Variants in DPP6 observed in about 807,000 individuals in gnomAD.
DPP6 encodes the protein dipeptidyl peptidase like 6.
Under a neutral mutation model 122.6 loss-of-function variants are expected in DPP6, and 69 were observed. That is an observed-to-expected ratio of 0.56 (90% confidence interval 0.46 to 0.69). DPP6 has a LOEUF of 0.69. Ranked by LOEUF, DPP6 falls within the 30% of genes least tolerant of loss-of-function variation. The pLI, the probability that DPP6 is intolerant of heterozygous loss-of-function variation, is 0.00. For synonymous variants in DPP6, 418 were observed against 433.1 expected (o/e 0.97, Z 0.43); for missense variants, 928 against 1,116.9 (o/e 0.83, Z 2.41).
intron 1 of DPP6, among the ~76,000 whole-genome samples, chr7:154,127,634 G>GACACACACAC (rs1045351086): frequency 5.0e-5 from 3 of 59,724 alleles, no homozygotes; most frequent in African/African-American, 1.3e-4. Flanking sequence ...CACACACACA[G>GACACACACAC]ACACACACAC....
rs758436888 is a variant in DPP6, at chr7:154,892,813, G to A, written c.*333G>A. On this transcript the variant is annotated 3_prime_UTR_variant, in exon 26 of 26. Transcript: ENST00000377770. Reference sequence around the variant, plus strand: ...GCCCCACGCGAGCCCACAGGACACCGGCCCCTAGATTCCAGCCACCAAGCG... The same window carrying A: ...GCCCCACGCGAGCCCACAGGACACCAGCCCCTAGATTCCAGCCACCAAGCG... The A allele has an allele frequency of 1.2e-5, 7 of 568,342 alleles. No individual in the cohort carries two copies. Among genetic ancestry groups the A allele is most frequent in the South Asian group, 2.8e-5 (2 of 72,038 alleles). The allele number at this position is 568,342 out of a possible 1,614,324, so 35.2% of individuals were successfully genotyped here.
chr7:154,333,111 G>A (rs1162461913), intron 1 of DPP6, among the ~76,000 whole-genome samples: 1 of 152,170 alleles, frequency 6.6e-6, no homozygotes, highest in Admixed American at 6.5e-5. Flanking sequence ...CCTTTTGGCT[G>A]TTTTAATAGT....
chr7:153,792,167 A>G, the DPP6 span, among the ~76,000 whole-genome samples: 1 of 152,366 alleles, frequency 6.6e-6, no homozygotes, highest in Non-Finnish European at 1.5e-5. Flanking sequence ...TTCACACTAC[A>G]GTAACTTTGT....
chr7:153,836,932 C>T, the DPP6 span, among the ~76,000 whole-genome samples: 2 of 152,170 alleles, frequency 1.3e-5, no homozygotes, highest in African/African-American at 2.4e-5. Flanking sequence ...TATCTTGTGG[C>T]TCATAAGAGA....
chr7:153,864,388 C>T, the DPP6 span, among the ~76,000 whole-genome samples: 1 of 152,110 alleles, frequency 6.6e-6, no homozygotes, highest in African/African-American at 2.4e-5. Flanking sequence ...GGCGTGGTGG[C>T]TCACACTTCT....
At chr7:154,670,995 C>G (rs948337033) in intron 7 of DPP6, among the ~76,000 whole-genome samples, 4 of 152,192 alleles carry the variant, frequency 2.6e-5, no homozygotes, top group Non-Finnish European at 4.4e-5. Flanking sequence ...GGAAGTGAGG[C>G]AGCTGAGAGC....
chr7:154,020,853 G>T (rs910251148), intron 1 of DPP6, among the ~76,000 whole-genome samples: 1 of 152,140 alleles, frequency 6.6e-6, no homozygotes, highest in East Asian at 1.9e-4. Flanking sequence ...CTTGGTGGAA[G>T]GGGGAAGGCA....
At chr7:154,137,648 G>T (rs1469809959) in intron 1 of DPP6, among the ~76,000 whole-genome samples, 4 of 50,566 alleles carry the variant, frequency 7.9e-5, no homozygotes, top group Non-Finnish European at 4.4e-5. Context: ...TGGTGGGGGG[G>T]GTGGGGGGGT....
intron 3 of DPP6, among the ~76,000 whole-genome samples, chr7:154,482,702 G>A (rs1011597465): frequency 3.3e-5 from 5 of 152,112 alleles, no homozygotes; most frequent in Admixed American, 6.5e-5. Flanking sequence ...AGTATTTCAC[G>A]ATATTAATGT....
intron 1 of DPP6, among the ~76,000 whole-genome samples, chr7:154,112,538 AG>A (rs1806665052): frequency 6.6e-6 from 1 of 151,942 alleles, no homozygotes; most frequent in Non-Finnish European, 1.5e-5. Flanking sequence ...CCAGCTCCTC[AG>A]GAGGCTGAGG....
At chr7:153,896,469 A>AT (rs1799419708) in intron 1 of DPP6, among the ~76,000 whole-genome samples, 1 of 152,058 alleles carries the variant, frequency 6.6e-6, no homozygotes, top group African/African-American at 2.4e-5. Flanking sequence ...TGTGGACTAC[A>AT]TTTTCTATGA....
intron 1 of DPP6, among the ~76,000 whole-genome samples, chr7:154,425,043 T>C (rs1250308252): frequency 7.9e-5 from 12 of 152,224 alleles, no homozygotes; most frequent in Non-Finnish European, 1.5e-5. Flanking sequence ...CATTATATAA[T>C]TAAATGTAGA....
intron 16 of DPP6, among the ~76,000 whole-genome samples, chr7:154,839,785 A>AT (rs1359787946): frequency 6.6e-6 from 1 of 152,164 alleles, no homozygotes; most frequent in African/African-American, 2.4e-5. Context: ...GGAGTCCAGA[A>AT]TGCTGGGCCA....
chr7:154,867,935 G>A lies in DPP6; in HGVS notation c.1715-60G>A, dbSNP rs1046248180. 1.7e-5 allele frequency: 25 copies of A among 1,513,668 alleles called. No individual in the cohort carries two copies. The East Asian group carries it at 2.0e-4, about 12-fold the overall frequency. 93.8% of individuals were successfully genotyped at this position (1,513,668 alleles called of 1,614,324 possible). On this transcript the variant is annotated intron_variant, in intron 17 of 25. Transcript: ENST00000377770. ...TTACGCACATGAAAAGCCATGGCCCGCAGAGGTCCTCCATGAGTGACCACT... is the reference window on the plus strand; with the variant it reads ...TTACGCACATGAAAAGCCATGGCCCACAGAGGTCCTCCATGAGTGACCACT...
At chr7:154,780,966 G>A (rs967749643) in intron 10 of DPP6, among the ~76,000 whole-genome samples, 1 of 152,020 alleles carries the variant, frequency 6.6e-6, no homozygotes, top group African/African-American at 2.4e-5. Flanking sequence ...ATGGATGGGT[G>A]GATGAATAGA....
intron 1 of DPP6, among the ~76,000 whole-genome samples, chr7:153,998,301 A>C (rs1437702725): frequency 6.6e-6 from 1 of 152,212 alleles, no homozygotes; most frequent in Non-Finnish European, 1.5e-5. Context: ...ATATTCAATC[A>C]AATATTCTAT....
At chr7:154,374,665 G>A (rs988525618) in intron 1 of DPP6, among the ~76,000 whole-genome samples, 2 of 132,670 alleles carry the variant, frequency 1.5e-5, no homozygotes, top group East Asian at 2.2e-4. Context: ...AGGCTGGAGT[G>A]CAATGGCACC....
At chr7:154,626,471 G>A (rs1234626724) in intron 5 of DPP6, among the ~76,000 whole-genome samples, 4 of 152,138 alleles carry the variant, frequency 2.6e-5, no homozygotes, top group Admixed American at 2.6e-4. Flanking sequence ...CAAAAAGAAG[G>A]CATTCTATGT....
intron 1 of DPP6, among the ~76,000 whole-genome samples, chr7:153,913,185 A>T (rs1216991259): frequency 6.6e-6 from 1 of 151,944 alleles, no homozygotes; most frequent in Non-Finnish European, 1.5e-5. Flanking sequence ...AGCAATTCTC[A>T]TGCCTCAGCC....
Sources: gnomAD v4.1 joint callset for allele counts (sites outside exome capture counted in the v4.1 genomes callset) on GRCh38, gnomAD v4.1.1 for gene constraint, MANE v1.5 for transcripts, NCBI Gene and HGNC (gene_info 2026-07-23, HGNC 2026-07-21) for gene names.